The following RASAL2 variants were observed in gnomAD, a reference collection of about 807,000 sequenced individuals.
RASAL2 encodes ras GTPase-activating protein nGAP.
Under a neutral mutation model 128.9 loss-of-function variants are expected in RASAL2, and 58 were observed. The ratio of observed to expected loss-of-function variants is 0.45; its 90% CI spans 0.36 to 0.56. RASAL2 has a LOEUF of 0.56. Ranked by LOEUF, RASAL2 falls within the 20% of genes least tolerant of loss-of-function variation. The probability of loss-of-function intolerance (pLI) is 0.00; values close to 1 mark genes in which losing one functional copy is unlikely to be tolerated. For synonymous variants in RASAL2, 561 were observed against 580.8 expected (o/e 0.97, Z 0.49); for missense variants, 1,360 against 1,601.6 (o/e 0.85, Z 2.57).
chr1:178,255,595 T>C lies in RASAL2; in HGVS notation c.203-27969T>C, dbSNP rs1411060424. On this transcript the variant is annotated intron_variant, in intron 1 of 17. Transcript: ENST00000367649. ...AGAATAGAGCTGTATGGGAGTAAAA[T>C]TTCTATATCCCACTGCAATTAAATT... 2.0e-5 allele frequency among the ~76,000 whole-genome samples: 3 copies of C among 152,028 alleles called. No homozygotes were observed. The East Asian group carries it at 5.8e-4, about 29-fold the overall frequency.
At chr1:178,328,643 C>T (rs1318786788) in intron 3 of RASAL2, among the ~76,000 whole-genome samples, 1 of 152,120 alleles carries the variant, frequency 6.6e-6, no homozygotes, top group African/African-American at 2.4e-5. Flanking sequence ...AAAACAGTGA[C>T]AATGTTAAGT....
At chr1:178,196,498 A>T (rs920117926) in intron 1 of RASAL2, among the ~76,000 whole-genome samples, 11 of 152,206 alleles carry the variant, frequency 7.2e-5, no homozygotes, top group African/African-American at 1.2e-4. Context: ...AGGGGAAAAA[A>T]TTCCAGAAAA....
chr1:178,380,882 C>T (rs1419583541), intron 3 of RASAL2, among the ~76,000 whole-genome samples: 1 of 151,906 alleles, frequency 6.6e-6, no homozygotes, highest in Non-Finnish European at 1.5e-5. Context: ...TAGTTTGGTA[C>T]CCAAAACTAA....
intron 2 of RASAL2, among the ~76,000 whole-genome samples, chr1:178,296,077 GTA>G (rs1302082146): frequency 3.3e-5 from 5 of 151,156 alleles, no homozygotes; most frequent in African/African-American, 4.9e-5. Flanking sequence ...ATATGTATGT[GTA>G]TATATGTGTG....
At chr1:178,229,258 A>T (rs1663905805) in intron 1 of RASAL2, among the ~76,000 whole-genome samples, 1 of 152,292 alleles carries the variant, frequency 6.6e-6, no homozygotes, top group South Asian at 2.1e-4. Flanking sequence ...ATATTTTTGT[A>T]ATTAGATAAT....
intron 1 of RASAL2, among the ~76,000 whole-genome samples, chr1:178,211,937 G>T (rs1663269348): frequency 6.6e-6 from 1 of 152,180 alleles, no homozygotes; most frequent in Admixed American, 6.5e-5. Context: ...TCCTTAGCAT[G>T]AATTTGATAA....
chr1:178,162,558 T>C (rs1661363648), intron 1 of RASAL2, among the ~76,000 whole-genome samples: 1 of 136,244 alleles, frequency 7.3e-6, no homozygotes, highest in South Asian at 2.2e-4. Context: ...ATATATAATA[T>C]ATCTTTATAT....
chr1:178,439,290 A>G (rs1233882078), intron 5 of RASAL2, 132 bp from the exon 6 acceptor site: 6 of 732,090 alleles, frequency 8.2e-6, no homozygotes, highest in Non-Finnish European at 1.3e-5. Flanking sequence ...ACTGTAGATT[A>G]ACTATTAATT....
intron 1 of RASAL2, among the ~76,000 whole-genome samples, chr1:178,115,961 T>C (rs1181959169): frequency 6.6e-6 from 1 of 152,198 alleles, no homozygotes; most frequent in Non-Finnish European, 1.5e-5. Context: ...TAATGGTGAA[T>C]GAAAACTAGA....
intron 1 of RASAL2, among the ~76,000 whole-genome samples, chr1:178,122,800 C>G (rs937815787): frequency 4.7e-5 from 7 of 150,392 alleles, no homozygotes; most frequent in African/African-American, 1.7e-4. Context: ...TATAGCCTAG[C>G]TATTCATCAT....
chr1:178,122,175 C>G (rs1428440807), intron 1 of RASAL2, among the ~76,000 whole-genome samples: 1 of 152,154 alleles, frequency 6.6e-6, no homozygotes, highest in Non-Finnish European at 1.5e-5. Flanking sequence ...GAATGTACCA[C>G]CAGCCTGAGA....
At chr1:178,137,332 T>C (rs558447368) in intron 1 of RASAL2, among the ~76,000 whole-genome samples, 2 of 152,368 alleles carry the variant, frequency 1.3e-5, no homozygotes, top group South Asian at 4.1e-4. Context: ...TTCTCTGTTT[T>C]GCTTCTGCTC....
At chr1:178,122,419 T>A (rs1659750700) in intron 1 of RASAL2, among the ~76,000 whole-genome samples, 1 of 152,176 alleles carries the variant, frequency 6.6e-6, no homozygotes, top group Admixed American at 6.5e-5. Flanking sequence ...GGGTCAGAAA[T>A]GGAGAAGTTG....
chr1:178,115,640 A>G (rs1041291945), intron 1 of RASAL2, among the ~76,000 whole-genome samples: 55 of 152,226 alleles, frequency 3.6e-4, no homozygotes, highest in African/African-American at 1.3e-3. Flanking sequence ...GTATAAGGCT[A>G]GAGAAATAGC....
intron 11 of RASAL2, among the ~76,000 whole-genome samples, chr1:178,453,350 A>G (rs1268390627): frequency 2.0e-5 from 3 of 152,006 alleles, no homozygotes; most frequent in African/African-American, 4.8e-5. Context: ...TGGACGCTAA[A>G]CTATTTAGAG....
At chr1:178,433,100 C>T (rs1482870200) in intron 5 of RASAL2, among the ~76,000 whole-genome samples, 2 of 152,064 alleles carry the variant, frequency 1.3e-5, no homozygotes, top group Non-Finnish European at 2.9e-5. Flanking sequence ...AGCCTCTTCT[C>T]CTTCTAACAT....
chr1:178,421,086 A>C (rs1255886881), intron 5 of RASAL2, among the ~76,000 whole-genome samples: 1 of 152,190 alleles, frequency 6.6e-6, no homozygotes, highest in African/African-American at 2.4e-5. Flanking sequence ...CAGAGAGGTT[A>C]AATAATCTTG....
In RASAL2 at chr1:178,268,336, T is replaced by C. The variant is rs1666082031; in HGVS notation, c.203-15228T>C. Among the ~76,000 whole-genome samples, 3 of 151,998 alleles carry C rather than the reference T, an allele frequency of 2.0e-5. No individual in the cohort carries two copies. In the East Asian group the frequency reaches 5.8e-4, roughly 29 times the overall value. On this transcript the variant is annotated intron_variant, in intron 1 of 17. Coordinates refer to ENST00000367649, the MANE Select transcript of RASAL2 (RefSeq NM_170692.4). ...TACAAAAATTAGTTGGGCATGGTGG[T>C]GAGCACCTGTAGTCCCAGCTACTTG...
intron 1 of RASAL2, among the ~76,000 whole-genome samples, chr1:178,214,093 A>G (rs1663345355): frequency 6.6e-6 from 1 of 152,040 alleles, no homozygotes; most frequent in Non-Finnish European, 1.5e-5. Flanking sequence ...CCTCTACAAA[A>G]GCAAGACAAG....
Sources: gnomAD v4.1 joint callset for allele counts (sites outside exome capture counted in the v4.1 genomes callset) on GRCh38, gnomAD v4.1.1 for gene constraint, MANE v1.5 for transcripts, NCBI Gene and HGNC (gene_info 2026-07-23, HGNC 2026-07-21) for gene names.